The following DTD1 variants were observed in gnomAD, a reference collection of about 807,000 sequenced individuals.
DTD1 encodes the protein D-aminoacyl-tRNA deacylase 1, also known as D-tyrosyl-tRNA deacylase 1 homolog.
A neutral mutation model predicts 25.6 loss-of-function variants in DTD1; 13 were observed. That is an observed-to-expected ratio of 0.51 (90% CI 0.33 to 0.81). The LOEUF (loss-of-function observed/expected upper bound fraction) is 0.81, where lower values mean the gene tolerates loss of function less well. DTD1 is among the 30% of genes least tolerant of loss of function. The probability of loss-of-function intolerance (pLI) is 0.02; values close to 1 mark genes in which losing one functional copy is unlikely to be tolerated. For synonymous variants in DTD1, 110 were observed against 103.6 expected, an observed-to-expected ratio of 1.06 and a Z score of -0.37; for missense variants, 193 against 266.4, an observed-to-expected ratio of 0.72 and a Z score of 1.92.
intron 4 of DTD1, among the ~76,000 whole-genome samples, chr20:18,672,692 CT>C (rs1306768801): frequency 6.6e-6 from 1 of 152,192 alleles, no homozygotes; most frequent in Non-Finnish European, 1.5e-5. Context: ...CTTCTCTCCC[CT>C]TTTCAGAGTT....
At chr20:18,606,768 G>C (rs1485753175) in intron 3 of DTD1, among the ~76,000 whole-genome samples, 1 of 59,800 alleles carries the variant, frequency 1.7e-5, no homozygotes, top group Non-Finnish European at 4.3e-5. Flanking sequence ...TCACACTCTG[G>C]GGACTGTGGT....
intron 3 of DTD1, among the ~76,000 whole-genome samples, chr20:18,620,588 CTTTTTTTCT>C (rs151085082): frequency 0.082 from 12,526 of 151,876 alleles, 587 homozygotes; most frequent in South Asian, 0.13. Flanking sequence ...GGCTGACTTT[CTTTTTTTCT>C]TTTTTTTCTT....
At chr20:18,645,059 A>C (rs769399041) in intron 4 of DTD1, among the ~76,000 whole-genome samples, 18 of 152,226 alleles carry the variant, frequency 1.2e-4, no homozygotes, top group Non-Finnish European at 2.1e-4. Context: ...GCTGAGGCGA[A>C]GAATCACTTG....
In DTD1 at chr20:18,588,303, G is replaced by T. The variant is rs1007459298; in HGVS notation, c.43+188G>T. 1.1e-4 allele frequency among the ~76,000 whole-genome samples: 17 copies of T among 152,128 alleles called. No individual in the cohort carries two copies. The East Asian group carries it at 3.3e-3, about 29-fold the overall frequency. On this transcript the variant is annotated intron_variant, in intron 1 of 5. Transcript: ENST00000377452. The stretch of plus-strand genomic sequence containing the variant: ...CCGGCTTCGGGGCAGCGCGGCGGCC[G>T]GAGAGCCCCCTGCACGTGCCCGACC...
chr20:18,708,235 TATATATATA>T (rs1169603949), intron 4 of DTD1, among the ~76,000 whole-genome samples: 778 of 6,626 alleles, frequency 0.12, 40 homozygotes, highest in African/African-American at 0.24. Context: ...ATATATTTTA[TATATATATA>T]ATATATATTA....
intron 1 of DTD1, among the ~76,000 whole-genome samples, 188 bp downstream of exon 1, chr20:18,588,303 G>A (rs1007459298): frequency 6.6e-6 from 1 of 152,018 alleles, no homozygotes; most frequent in African/African-American, 2.4e-5. Flanking sequence ...CGCGGCGGCC[G>A]GAGAGCCCCC....
chr20:18,646,595 C>T (rs2060851316), intron 4 of DTD1, among the ~76,000 whole-genome samples: 1 of 152,122 alleles, frequency 6.6e-6, no homozygotes, highest in Admixed American at 6.5e-5. Flanking sequence ...CATCACAGAG[C>T]CTCTCAGATT....
intron 5 of DTD1, among the ~76,000 whole-genome samples, chr20:18,759,510 A>G (rs1428438237): frequency 6.6e-6 from 1 of 152,158 alleles, no homozygotes; most frequent in Non-Finnish European, 1.5e-5. Flanking sequence ...GTTTGGCTGG[A>G]TATGAAATTC....
intron 4 of DTD1, among the ~76,000 whole-genome samples, chr20:18,740,157 A>T (rs2061271407): frequency 6.6e-6 from 1 of 151,540 alleles, no homozygotes; most frequent in African/African-American, 2.4e-5. Context: ...AATTGGGGTT[A>T]CTCCCCATCG....
At chr20:18,675,690 T>A (rs921032865) in intron 4 of DTD1, 2 of 147,296 alleles carry the variant, frequency 1.4e-5, no homozygotes, top group African/African-American at 5.1e-5. Flanking sequence ...TTAGTCTTTT[T>A]TCTATGTAGT....
At chr20:18,733,224 T>G (rs143224838) in intron 4 of DTD1, among the ~76,000 whole-genome samples, 12 of 152,288 alleles carry the variant, frequency 7.9e-5, no homozygotes, top group African/African-American at 2.6e-4. Context: ...ATGTCTCATT[T>G]CTCAGTGACT....
chr20:18,703,346 T>C (rs1409899412), intron 4 of DTD1, among the ~76,000 whole-genome samples: 8 of 152,184 alleles, frequency 5.3e-5, no homozygotes, highest in African/African-American at 1.9e-4. Flanking sequence ...GTCCTCAAAC[T>C]TCATGAAGAT....
At chr20:18,746,517 G>C (rs1464916313) in intron 5 of DTD1, among the ~76,000 whole-genome samples, 1 of 142,640 alleles carries the variant, frequency 7.0e-6, no homozygotes, top group Non-Finnish European at 1.6e-5. Flanking sequence ...GGGCAACATG[G>C]TGAGACCCCC....
At chr20:18,727,217 C>T (rs1487774367) in intron 4 of DTD1, among the ~76,000 whole-genome samples, 4 of 152,330 alleles carry the variant, frequency 2.6e-5, no homozygotes, top group East Asian at 1.9e-4. Context: ...GATTCCCCCA[C>T]GGCTCCCGGG....
At chr20:18,747,392 G>A (rs929108673) in intron 5 of DTD1, among the ~76,000 whole-genome samples, 1 of 152,194 alleles carries the variant, frequency 6.6e-6, no homozygotes, top group Admixed American at 6.5e-5. Flanking sequence ...TGGGCAGGGC[G>A]GGGGCAGGCA....
intron 4 of DTD1, among the ~76,000 whole-genome samples, chr20:18,686,492 C>CA (rs2061017039): frequency 6.6e-6 from 1 of 152,166 alleles, no homozygotes; most frequent in African/African-American, 2.4e-5. Flanking sequence ...TTCCCAGCAG[C>CA]AAAGTATAAG....
At chr20:18,676,080 G>A (rs2060972863) in intron 4 of DTD1, among the ~76,000 whole-genome samples, 1 of 152,148 alleles carries the variant, frequency 6.6e-6, no homozygotes, top group African/African-American at 2.4e-5. Context: ...TTATGCTCTA[G>A]TTTTTCCTCT....
chr20:18,590,480 G>T (rs1216231900), intron 1 of DTD1, among the ~76,000 whole-genome samples: 3 of 152,058 alleles, frequency 2.0e-5, no homozygotes, highest in African/African-American at 7.2e-5. Context: ...AATTGGTTTT[G>T]TTTTTGTTTT....
At chr20:18,656,137 T>A (rs570875428) in intron 4 of DTD1, among the ~76,000 whole-genome samples, 15 of 152,304 alleles carry the variant, frequency 9.8e-5, no homozygotes, top group African/African-American at 3.6e-4. Flanking sequence ...AAATATTTGC[T>A]TACTTCTGTT....
Sources: gnomAD v4.1 joint callset for allele counts (sites outside exome capture counted in the v4.1 genomes callset) on GRCh38, gnomAD v4.1.1 for gene constraint, MANE v1.5 for transcripts, NCBI Gene and HGNC (gene_info 2026-07-23, HGNC 2026-07-21) for gene names.